Variants in JHY observed in about 807,000 individuals in gnomAD.
JHY encodes the protein junctional cadherin complex regulator, also known as jhy protein homolog.
A neutral mutation model predicts 78.0 loss-of-function variants in JHY; 69 were observed. The observed-to-expected ratio is 0.88, with a 90% CI of 0.73 to 1.08. The LOEUF is 1.08. JHY is among the 50% of genes least tolerant of loss of function. The pLI is 0.00. For missense variants in JHY, 944 were observed against 927.8 expected (o/e 1.02, Z -0.23); for synonymous variants, 368 against 342.6 (o/e 1.07, Z -0.82).
At chr11:122,884,218 G>A (rs1054795255) in intron 1 of JHY, among the ~76,000 whole-genome samples, 4 of 152,134 alleles carry the variant, frequency 2.6e-5, no homozygotes, top group Non-Finnish European at 5.9e-5. Context: ...ACATATGAAC[G>A]TTCCCTTTTG....
rs573600013 is a variant in JHY at position 122,913,864 on chromosome 11, AT to A, written c.864+9423del. ...GGCATACAGCAAGCACTAGCTAAAT[AT>A]TTGATGAAGAAATGTAATTTTTAAA... On this transcript the variant is annotated intron_variant, in intron 3 of 8. Transcript: ENST00000227349. Among the ~76,000 whole-genome samples, 974 of 152,250 alleles carry A rather than the reference AT, an allele frequency of 6.4e-3. 11 individuals carry two copies. Among genetic ancestry groups the A allele is most frequent in the African/African-American group, 0.023 (940 of 41,552 alleles).
chr11:122,939,853 A>G (rs1863836182), intron 5 of JHY, among the ~76,000 whole-genome samples: 1 of 151,948 alleles, frequency 6.6e-6, no homozygotes, highest in Non-Finnish European at 1.5e-5. Flanking sequence ...GTCTTATACA[A>G]CAATCACACC....
intron 2 of JHY, among the ~76,000 whole-genome samples, chr11:122,895,196 T>C (rs1375866262): frequency 1.3e-5 from 2 of 152,234 alleles, no homozygotes; most frequent in Non-Finnish European, 2.9e-5. Context: ...GCTGTTCATA[T>C]GCATAAAAGA....
At chr11:122,919,053 G>A (rs1863295371) in intron 3 of JHY, among the ~76,000 whole-genome samples, 1 of 151,996 alleles carries the variant, frequency 6.6e-6, no homozygotes, top group African/African-American at 2.4e-5. Context: ...GATGGGATGG[G>A]TCAGAATAAG....
chr11:122,963,731 A>C lies in JHY; in HGVS notation c.*4286A>C, dbSNP rs1363717073. On this transcript the variant is annotated 3_prime_UTR_variant, in exon 9 of 9. Transcript: ENST00000227349. Reference sequence around the variant, plus strand: ...ATAATCTGCCAATTAGAAAACAAAAAACTTCAAACTTAAGTGATGTAATGA... The same window carrying C: ...ATAATCTGCCAATTAGAAAACAAAACACTTCAAACTTAAGTGATGTAATGA... Among the ~76,000 whole-genome samples the C allele has an allele frequency of 6.6e-6, 1 of 152,308 alleles. No individual in the cohort carries two copies. Among genetic ancestry groups the C allele is most frequent in the South Asian group, 2.1e-4 (1 of 4,832 alleles).
At chr11:122,944,583 G>A (rs1863929261) in intron 5 of JHY, among the ~76,000 whole-genome samples, 1 of 151,896 alleles carries the variant, frequency 6.6e-6, no homozygotes, top group Non-Finnish European at 1.5e-5. Context: ...TTTTATTATT[G>A]TTGTCTAGAG....
At chr11:122,896,342 CAAA>C (rs11370911) in intron 2 of JHY, among the ~76,000 whole-genome samples, 3 of 73,418 alleles carry the variant, frequency 4.1e-5, no homozygotes, top group African/African-American at 1.1e-4. Context: ...GACTCTGTCT[CAAA>C]AAAAAAAAAA....
chr11:122,947,328 A>T (rs1863986158), intron 6 of JHY: 2 of 152,590 alleles, frequency 1.3e-5, no homozygotes, highest in African/African-American at 2.4e-5. Flanking sequence ...TGGGCTGGCC[A>T]GTGATTGAAC....
chr11:122,944,295 A>G (rs1017250834), intron 5 of JHY, among the ~76,000 whole-genome samples: 2 of 152,136 alleles, frequency 1.3e-5, no homozygotes, highest in African/African-American at 4.8e-5. Context: ...GAATCACCCT[A>G]CTTTCTCTAT....
Position 122,925,019 on chromosome 11 carries a change from C to T in JHY, c.978+9C>T. On this transcript the variant is annotated intron_variant, in intron 4 of 8. Transcript: ENST00000227349. ...GAGCACAACAGCTAAAGGTTACCTGCTAGATTGCATTTTAAGTGTGTTTCA... is the reference window on the plus strand; with the variant it reads ...GAGCACAACAGCTAAAGGTTACCTGTTAGATTGCATTTTAAGTGTGTTTCA... 2 of 1,588,992 alleles carry T rather than the reference C, an allele frequency of 1.3e-6. No individual in the cohort carries two copies. The highest frequency in any genetic ancestry group is 1.1e-5 in the South Asian group (1 of 90,504).
chr11:122,907,999 T>C (rs1005935911), intron 3 of JHY, among the ~76,000 whole-genome samples: 1 of 152,082 alleles, frequency 6.6e-6, no homozygotes, highest in African/African-American at 2.4e-5. Context: ...AATAGAGCAG[T>C]GGTTCTCAGC....
chr11:122,906,749 A>G (rs1863003064), intron 3 of JHY, among the ~76,000 whole-genome samples: 1 of 152,212 alleles, frequency 6.6e-6, no homozygotes, highest in South Asian at 2.1e-4. Flanking sequence ...TTAATTTACT[A>G]AACAATTTTA....
At chr11:122,949,732 A>C (rs1260366227) in intron 6 of JHY, among the ~76,000 whole-genome samples, 1 of 151,812 alleles carries the variant, frequency 6.6e-6, no homozygotes, top group Non-Finnish European at 1.5e-5. Flanking sequence ...ACGGGACCCT[A>C]TCCGTGCCCA....
At chr11:122,884,581 C>T (rs1862455280) in intron 1 of JHY, among the ~76,000 whole-genome samples, 1 of 152,142 alleles carries the variant, frequency 6.6e-6, no homozygotes, top group Non-Finnish European at 1.5e-5. Context: ...CTTTCCATGG[C>T]TCTTTATAAT....
At chr11:122,885,660 A>G in intron 1 of JHY, 101 bp from the exon 2 acceptor site, 1 of 561,226 alleles carries the variant, frequency 1.8e-6, no homozygotes, top group Non-Finnish European at 3.1e-6. Context: ...AAGCCTGCAG[A>G]TAATATAACA....
At chr11:122,942,119 A>G (rs1591394714) in intron 5 of JHY, among the ~76,000 whole-genome samples, 1 of 151,918 alleles carries the variant, frequency 6.6e-6, no homozygotes, top group Non-Finnish European at 1.5e-5. Flanking sequence ...TGATCCACCC[A>G]CCTCGGCCTC....
rs187425442 is a variant in JHY, at chr11:122,916,377, G to A, written c.865-8520G>A. On this transcript the variant is annotated intron_variant, in intron 3 of 8. Transcript: ENST00000227349. Reference sequence around the variant, plus strand: ...GTATGAAAAATGATAACTATATACCGTAATTACTTGACTTTCACTTAACGT... The same window carrying A: ...GTATGAAAAATGATAACTATATACCATAATTACTTGACTTTCACTTAACGT... Among the ~76,000 whole-genome samples the A allele has an allele frequency of 2.6e-3, 397 of 152,106 alleles. 2 individuals carry two copies. The highest frequency in any genetic ancestry group is 5.4e-3 in the South Asian group (26 of 4,822).
rs952521213 is a variant in JHY at position 122,961,536 on chromosome 11, G to T, written c.*2091G>T. Among the ~76,000 whole-genome samples, 1 of 152,142 alleles carries T rather than the reference G, an allele frequency of 6.6e-6. No individual in the cohort carries two copies. The highest frequency in any genetic ancestry group is 1.5e-5 in the Non-Finnish European group (1 of 68,018). ...CGCCCGGCTAATTTTTATACTTTTA[G>T]TAGAGGCAGGGTTTCGCCATGTTGA... On this transcript the variant is annotated 3_prime_UTR_variant, in exon 9 of 9. Coordinates refer to ENST00000227349, the MANE Select transcript of JHY (RefSeq NM_024806.4).
chr11:122,956,343 C>G (rs902067133), intron 6 of JHY, among the ~76,000 whole-genome samples, 153 bp from the exon 7 acceptor site: 7 of 152,114 alleles, frequency 4.6e-5, no homozygotes, highest in African/African-American at 1.7e-4. Context: ...AAAATGGAAG[C>G]ATTGTCAGGA....
Sources: gnomAD v4.1 joint callset for allele counts (sites outside exome capture counted in the v4.1 genomes callset) on GRCh38, gnomAD v4.1.1 for gene constraint, MANE v1.5 for transcripts, NCBI Gene and HGNC (gene_info 2026-07-23, HGNC 2026-07-21) for gene names.